The following SEM1 variants were observed in gnomAD, a reference collection of about 807,000 sequenced individuals.
SEM1 encodes the protein 26S proteasome complex subunit SEM1.
A neutral mutation model predicts 12.7 loss-of-function variants in SEM1; 3 were observed. That is an observed-to-expected ratio of 0.24 (90% confidence interval 0.11 to 0.61). SEM1 has a LOEUF of 0.61. Among genes scored for constraint, SEM1 ranks in the 20% least tolerant of loss-of-function variants. SEM1 has a pLI of 0.88. For synonymous variants in SEM1, 30 were observed against 27.8 expected (o/e 1.08, Z -0.25); for missense variants, 59 against 81.3 (o/e 0.73, Z 1.06).
At chr7:96,614,566 T>C (rs542968855) in intron 2 of SEM1, among the ~76,000 whole-genome samples, 4 of 152,334 alleles carry the variant, frequency 2.6e-5, no homozygotes, top group South Asian at 4.1e-4. Context: ...ATGCAAGCTA[T>C]AGCCGAAAAC....
chr7:96,679,515 TTGAGCTTTAATGA>T (rs1472312819), intron 2 of SEM1, among the ~76,000 whole-genome samples: 1 of 152,126 alleles, frequency 6.6e-6, no homozygotes. Flanking sequence ...GTTGAAGTTA[TTGAGCTTTAATGA>T]TGCCATTATT....
chr7:96,555,711 T>A (rs551951064), intron 2 of SEM1, among the ~76,000 whole-genome samples: 1 of 143,788 alleles, frequency 7.0e-6, no homozygotes, highest in Non-Finnish European at 1.5e-5. Flanking sequence ...TAGGTCCACT[T>A]GGTGCAGAGC....
upstream of SEM1, among the ~76,000 whole-genome samples, chr7:96,498,303 A>G (rs1803370386): frequency 6.6e-6 from 1 of 152,174 alleles, no homozygotes; most frequent in Non-Finnish European, 1.5e-5. Context: ...ACAGATGTTT[A>G]TTGAAATTCG....
chr7:96,535,293 G>A (rs755179454), intron 2 of SEM1, among the ~76,000 whole-genome samples: 38 of 151,732 alleles, frequency 2.5e-4, no homozygotes, highest in Non-Finnish European at 3.7e-4. Context: ...TCAGTATGTT[G>A]AATATAATCA....
intron 2 of SEM1, among the ~76,000 whole-genome samples, chr7:96,623,796 T>G (rs1807970061): frequency 6.6e-6 from 1 of 152,084 alleles, no homozygotes. Flanking sequence ...TATCTCAAAG[T>G]TCCAGAAACC....
intron 2 of SEM1, among the ~76,000 whole-genome samples, chr7:96,568,384 T>C (rs1020224063): frequency 1.2e-4 from 18 of 151,830 alleles, no homozygotes; most frequent in Admixed American, 1.2e-3. Flanking sequence ...ATGTTAATGG[T>C]TTACCTATCT....
intron 2 of SEM1, among the ~76,000 whole-genome samples, chr7:96,664,505 C>G (rs1032551441): frequency 1.3e-5 from 2 of 152,156 alleles, no homozygotes; most frequent in African/African-American, 4.8e-5. Context: ...AATTCTTTGG[C>G]CTCCATCTTC....
chr7:96,586,898 A>G (rs1211861466), intron 2 of SEM1, among the ~76,000 whole-genome samples: 1 of 152,170 alleles, frequency 6.6e-6, no homozygotes, highest in Non-Finnish European at 1.5e-5. Flanking sequence ...GGATTACCCA[A>G]TTCAAAGCTC....
intron 2 of SEM1, among the ~76,000 whole-genome samples, chr7:96,509,488 G>A (rs1803864542): frequency 6.6e-6 from 1 of 152,084 alleles, no homozygotes; most frequent in Non-Finnish European, 1.5e-5. Flanking sequence ...TTTTGACACT[G>A]AATCAATGGA....
chr7:96,589,759 C>T (rs1341379685), intron 2 of SEM1, among the ~76,000 whole-genome samples: 1 of 152,120 alleles, frequency 6.6e-6, no homozygotes, highest in Admixed American at 6.6e-5. Context: ...TAATATTTTT[C>T]CTATGACAGT....
chr7:96,554,142 C>T (rs1178868382), intron 2 of SEM1, among the ~76,000 whole-genome samples: 1 of 150,286 alleles, frequency 6.7e-6, no homozygotes, highest in Non-Finnish European at 1.5e-5. Context: ...CGTCTGCAAA[C>T]AGGGACAATT....
chr7:96,597,179 A>G (rs1807024653), intron 2 of SEM1, among the ~76,000 whole-genome samples: 6 of 152,192 alleles, frequency 3.9e-5, no homozygotes, highest in Admixed American at 3.9e-4. Context: ...CAATGCCTTA[A>G]CCATCTCTGC....
At chr7:96,521,635 A>T (rs1344450107) in intron 2 of SEM1, among the ~76,000 whole-genome samples, 1 of 152,068 alleles carries the variant, frequency 6.6e-6, no homozygotes, top group Admixed American at 6.6e-5. Flanking sequence ...TGGGGCCTCA[A>T]ACTTGGCAGT....
chr7:96,484,099 C>G, intron 3 of SEM1: 1 of 1,039,440 alleles, frequency 9.6e-7, no homozygotes, highest in East Asian at 2.7e-5. Flanking sequence ...CCAATCATCC[C>G]CATTTTAGAG....
At chr7:96,659,625 G>A (rs902088595) in intron 2 of SEM1, among the ~76,000 whole-genome samples, 3 of 152,120 alleles carry the variant, frequency 2.0e-5, no homozygotes, top group African/African-American at 4.8e-5. Context: ...TCTTAGAAGA[G>A]ACAAAATACT....
chr7:96,664,528 C>CT (rs1257623088), intron 2 of SEM1, among the ~76,000 whole-genome samples: 1 of 152,220 alleles, frequency 6.6e-6, no homozygotes, highest in Non-Finnish European at 1.5e-5. Context: ...CTTTTAAGTA[C>CT]TTGGGTGATT....
At chr7:96,603,419 A>G (rs1807250531) in intron 2 of SEM1, among the ~76,000 whole-genome samples, 1 of 152,168 alleles carries the variant, frequency 6.6e-6, no homozygotes, top group African/African-American at 2.4e-5. Flanking sequence ...CTATGGAGGA[A>G]GATGTGGCTG....
At chr7:96,486,010 A>C (rs1337461971) in intron 2 of SEM1, among the ~76,000 whole-genome samples, 1 of 152,124 alleles carries the variant, frequency 6.6e-6, no homozygotes, top group Admixed American at 6.6e-5. Flanking sequence ...GCTGTATAAC[A>C]CTTTATTCTA....
chr7:96,671,147 T>G (rs1384239054), downstream of SEM1, among the ~76,000 whole-genome samples: 1 of 152,220 alleles, frequency 6.6e-6, no homozygotes, highest in Non-Finnish European at 1.5e-5. Flanking sequence ...ACAGCTATTT[T>G]GTAGCTAGAA....
Sources: gnomAD v4.1 joint callset for allele counts (sites outside exome capture counted in the v4.1 genomes callset) on GRCh38, gnomAD v4.1.1 for gene constraint, MANE v1.5 for transcripts, NCBI Gene and HGNC (gene_info 2026-07-23, HGNC 2026-07-21) for gene names.